APP: variants seen among roughly 807,000 people sequenced by gnomAD.
APP encodes amyloid-beta precursor protein.
In APP, 31 loss-of-function variants were observed where a neutral mutation model predicts 101.4. That is an observed-to-expected ratio of 0.31 (90% CI 0.23 to 0.41). APP has a LOEUF of 0.41. Ranked by LOEUF, APP falls within the 10% of genes least tolerant of loss-of-function variation. APP has a pLI of 1.00. For synonymous variants in APP, 366 were observed against 364.4 expected, an observed-to-expected ratio of 1.00 and a Z score of -0.05; for missense variants, 839 against 1,003.7, an observed-to-expected ratio of 0.84 and a Z score of 2.22.
chr21:26,039,266 A>G (rs936899434), intron 5 of APP, among the ~76,000 whole-genome samples: 1 of 152,246 alleles, frequency 6.6e-6, no homozygotes, highest in Non-Finnish European at 1.5e-5. Context: ...GAACTGATAA[A>G]AAGATAAAAG....
chr21:26,073,752 C>T (rs2061451382), intron 3 of APP, among the ~76,000 whole-genome samples: 1 of 152,096 alleles, frequency 6.6e-6, no homozygotes, highest in African/African-American at 2.4e-5. Flanking sequence ...GAGTAAAGGA[C>T]CTACTGAAGA....
intron 13 of APP, among the ~76,000 whole-genome samples, chr21:25,951,682 C>T (rs1412763422): frequency 6.6e-6 from 1 of 151,758 alleles, no homozygotes. Flanking sequence ...CAAGACATAA[C>T]CTGGAAAAAA....
At chr21:26,037,494 T>A (rs1207049592) in intron 5 of APP, among the ~76,000 whole-genome samples, 1 of 152,128 alleles carries the variant, frequency 6.6e-6, no homozygotes, top group Non-Finnish European at 1.5e-5. Context: ...AAAATAAAAA[T>A]TTTTAAAAAG....
intron 11 of APP, among the ~76,000 whole-genome samples, chr21:25,961,174 C>G (rs1244728519): frequency 6.6e-6 from 1 of 152,206 alleles, no homozygotes; most frequent in Non-Finnish European, 1.5e-5. Context: ...TCACCTATCT[C>G]TGACCTAGAA....
intron 1 of APP, among the ~76,000 whole-genome samples, chr21:26,162,021 T>G (rs1007852711): frequency 1.3e-5 from 2 of 152,174 alleles, no homozygotes; most frequent in African/African-American, 4.8e-5. Flanking sequence ...AATAACTGAG[T>G]AATGATATTT....
intron 1 of APP, 80 bp from the exon 2 acceptor site, chr21:26,112,226 A>C (rs1396072681): frequency 1.4e-6 from 2 of 1,447,756 alleles, no homozygotes; most frequent in East Asian, 4.5e-5. Flanking sequence ...GATAACTATC[A>C]AAAAGAGTTC....
chr21:25,920,516 T>TA (rs1314952277), intron 13 of APP, among the ~76,000 whole-genome samples: 3 of 151,588 alleles, frequency 2.0e-5, no homozygotes, highest in African/African-American at 7.3e-5. Context: ...AGGCTCAAAA[T>TA]AAAAGGATGG....
chr21:25,920,538 C>T (rs1358551250), intron 13 of APP, among the ~76,000 whole-genome samples: 1 of 151,632 alleles, frequency 6.6e-6, no homozygotes, highest in Non-Finnish European at 1.5e-5. Flanking sequence ...GGAAGATCTA[C>T]CAAGCAAATG....
chr21:26,026,020 C>T (rs1238635852), intron 5 of APP, among the ~76,000 whole-genome samples: 1 of 152,158 alleles, frequency 6.6e-6, no homozygotes, highest in Non-Finnish European at 1.5e-5. Context: ...ATGACTTTTC[C>T]ACCACTTCTT....
At chr21:26,132,944 T>C (rs911769834) in intron 1 of APP, among the ~76,000 whole-genome samples, 1 of 152,042 alleles carries the variant, frequency 6.6e-6, no homozygotes, top group African/African-American at 2.4e-5. Flanking sequence ...AAGAGAAGAT[T>C]AAAAATCTGG....
intron 3 of APP, among the ~76,000 whole-genome samples, chr21:26,054,043 T>C (rs1163998767): frequency 2.0e-5 from 3 of 152,224 alleles, no homozygotes; most frequent in African/African-American, 7.2e-5. Context: ...ATTACCACAT[T>C]ATATGTAAGC....
At chr21:26,032,694 T>A (rs529740580) in intron 5 of APP, among the ~76,000 whole-genome samples, 1 of 152,176 alleles carries the variant, frequency 6.6e-6, no homozygotes, top group Non-Finnish European at 1.5e-5. Context: ...TGTATACTTA[T>A]GACATTTCTT....
chr21:26,047,122 T>C (rs1409374799), intron 5 of APP, among the ~76,000 whole-genome samples: 1 of 152,212 alleles, frequency 6.6e-6, no homozygotes, highest in East Asian at 1.9e-4. Context: ...GTTTTGCCTA[T>C]GTTAAAGATT....
chr21:25,888,578 C>G (rs574675925), intron 17 of APP, among the ~76,000 whole-genome samples: 1 of 152,220 alleles, frequency 6.6e-6, no homozygotes, highest in Non-Finnish European at 1.5e-5. Context: ...GGTGGAGCCC[C>G]TCATCTAGAA....
intron 8 of APP, among the ~76,000 whole-genome samples, chr21:25,983,974 G>A (rs2042542054): frequency 6.6e-6 from 1 of 152,168 alleles, no homozygotes; most frequent in Non-Finnish European, 1.5e-5. Flanking sequence ...AGCACTCCAT[G>A]TTTCAATTTT....
chr21:25,985,848 T>C (rs2042616859), intron 8 of APP, among the ~76,000 whole-genome samples: 1 of 152,032 alleles, frequency 6.6e-6, no homozygotes, highest in South Asian at 2.1e-4. Context: ...CCATCTCAAT[T>C]AGTGTGAGTG....
intron 1 of APP, among the ~76,000 whole-genome samples, chr21:26,166,146 T>A (rs190201758): frequency 6.6e-6 from 1 of 152,370 alleles, no homozygotes; most frequent in East Asian, 1.9e-4. Context: ...TACATAACAT[T>A]TCCCCCTTTA....
At chr21:26,007,967 G>T (rs892981754) in intron 6 of APP, among the ~76,000 whole-genome samples, 2 of 152,162 alleles carry the variant, frequency 1.3e-5, no homozygotes, top group African/African-American at 4.8e-5. Flanking sequence ...GAAGTCTTAT[G>T]ACAAATCTCA....
chr21:25,942,167 A>G (rs1000716423), intron 13 of APP: 2 of 152,188 alleles, frequency 1.3e-5, no homozygotes, highest in African/African-American at 4.8e-5. Flanking sequence ...GCATCTTATT[A>G]CTGAGGTACA....
Sources: gnomAD v4.1 joint callset for allele counts (sites outside exome capture counted in the v4.1 genomes callset) on GRCh38, gnomAD v4.1.1 for gene constraint, MANE v1.5 for transcripts, NCBI Gene and HGNC (gene_info 2026-07-23, HGNC 2026-07-21) for gene names.